Variants in BCAN observed in about 807,000 individuals in gnomAD.
The protein encoded by BCAN is brevican core protein.
Under a neutral mutation model 92.4 loss-of-function variants are expected in BCAN, and 51 were observed. The observed-to-expected ratio is 0.55, with a 90% CI of 0.44 to 0.70. BCAN has a LOEUF of 0.70. Ranked by LOEUF, BCAN falls within the 30% of genes least tolerant of loss-of-function variation. BCAN has a pLI of 0.00. For missense variants in BCAN, 1,140 were observed against 1,212.1 expected (o/e 0.94, Z 0.88); for synonymous variants, 501 against 505.2 (o/e 0.99, Z 0.11).
chr1:156,645,908 CAG>C (rs1247711995), intron 1 of BCAN, 137 bp from the exon 2 acceptor site: 9 of 596,782 alleles, frequency 1.5e-5, no homozygotes, highest in Middle Eastern at 5.4e-4. Flanking sequence ...GGATCAGAAA[CAG>C]AGAGTCCATG....
intron 6 of BCAN, among the ~76,000 whole-genome samples, chr1:156,650,469 C>T (rs1359028816): frequency 1.3e-5 from 2 of 152,208 alleles, no homozygotes; most frequent in African/African-American, 2.4e-5. Flanking sequence ...TCTTGGCTCC[C>T]TTCCCCAGAG....
At chr1:156,655,253 C>G (rs1679292080) in intron 8 of BCAN, among the ~76,000 whole-genome samples, 1 of 152,230 alleles carries the variant, frequency 6.6e-6, no homozygotes, top group African/African-American at 2.4e-5. Flanking sequence ...TAAGGACAGC[C>G]ACCTCCTACC....
chr1:156,648,598 A>G lies in BCAN; in HGVS notation c.800A>G (p.Lys267Arg). The G allele has an allele frequency of 6.2e-7, 1 of 1,602,272 alleles. No individual in the cohort carries two copies. Among genetic ancestry groups the G allele is most frequent in the Non-Finnish European group, 8.5e-7 (1 of 1,170,254 alleles). ...GELFLGDPPE[K>R]LTLEEARAYC... Reference sequence around the variant, plus strand: ...CTGTTCCTGGGTGACCCTCCAGAGAAGCTGACATTGGAGGAAGCACGGGCG... The same window carrying G: ...CTGTTCCTGGGTGACCCTCCAGAGAGGCTGACATTGGAGGAAGCACGGGCG... Residue 267 changes from lysine to arginine, a missense_variant, in exon 6 of 14, where the codon AAG becomes AGG. Physicochemically the swap from Lys to Arg is conservative, Grantham distance 26. Around this residue, in one of 3 missense-constraint regions of BCAN, gnomAD observed 825 missense variants for 871.8 expected, o/e 0.95. Transcript: ENST00000329117.
At position 156,658,327 on chromosome 1, in the gene BCAN, C is replaced by G; in HGVS notation, c.2437+56C>G. On this transcript the variant is annotated intron_variant, in intron 12 of 13. Coordinates refer to ENST00000329117, the MANE Select transcript of BCAN (RefSeq NM_021948.5). This position sits in a 1 kb window ranked among gnomAD's most constrained non-coding sequence, Gnocchi z 4.4. ...GGAAGTGGAGGGGTGGGCTAGGGGA[C>G]CAGAGGGACTGATGTTTGTAGACAG... 6.3e-7 allele frequency: 1 copy of G among 1,592,134 alleles called. No individual in the cohort carries two copies. The highest frequency in any genetic ancestry group is 1.3e-5 in the African/African-American group (1 of 74,660).
Position 156,658,447 on chromosome 1 carries a change from T to A in BCAN, c.2438-96T>A. 6.7e-7 allele frequency: 1 copy of A among 1,493,558 alleles called. No homozygotes were observed. Among genetic ancestry groups the A allele is most frequent in the Non-Finnish European group, 9.0e-7 (1 of 1,110,262 alleles). 92.5% of individuals were successfully genotyped at this position (1,493,558 alleles called of 1,614,324 possible). A position where few individuals can be genotyped will look rare whatever the true frequency, so the allele number is the denominator to read the frequency against. ...TCCACTCGGAATCCCTGATCTTTTT[T>A]TGTCATGTTGTGGCCCATTTTTCTC... is the stretch of plus-strand genomic sequence containing the variant. On this transcript the variant is annotated intron_variant, in intron 12 of 13. Coordinates refer to ENST00000329117, the MANE Select transcript of BCAN (RefSeq NM_021948.5). The surrounding 1 kb of genome is among the most constrained non-coding windows in gnomAD (Gnocchi z 4.4).
Position 156,657,102 on chromosome 1 carries a change from C to A in BCAN, c.2209+6C>A, listed in dbSNP as rs1185266646. 4 of 1,608,360 alleles carry A rather than the reference C, an allele frequency of 2.5e-6. No homozygotes were observed. Among genetic ancestry groups the A allele is most frequent in the Non-Finnish European group, 3.4e-6 (4 of 1,175,754 alleles). On this transcript the variant is annotated splice_donor_region_variant and intron_variant, in intron 10 of 13. Transcript: ENST00000329117. ...GGAACAGGACTTCATCAACAGTGGGCTGGGAGACAGGGCGGGAGGGGCCCC... is the reference window on the plus strand; with the variant it reads ...GGAACAGGACTTCATCAACAGTGGGATGGGAGACAGGGCGGGAGGGGCCCC...
rs192621892 is a variant in BCAN at position 156,648,105 on chromosome 1, T to C, written c.764T>C (p.Leu255Pro). The change falls in exon 5 of 14, where the codon CTA (leucine) becomes CCA (proline). Residue 255 changes from leucine (L) to proline (P), a missense_variant. Leu to Pro is a moderately conservative substitution (Grantham distance 98, BLOSUM62 -3). Coordinates refer to ENST00000329117, the MANE Select transcript of BCAN (RefSeq NM_021948.5). ...LYDVYCYAED[L>P]NGELFLGDPP... ...GATGTGTACTGTTATGCTGAAGACC[T>C]AAATGGTGATTAGGAGTGAGAGGTT... The C allele has an allele frequency of 5.1e-5, 82 of 1,612,312 alleles. 1 individual carries two copies. The Admixed American group carries it at 1.1e-3, about 21-fold the overall frequency.
chr1:156,651,666 C>A lies in BCAN; in HGVS notation c.1274C>A (p.Ala425Glu). 1 of 1,612,970 alleles carries A rather than the reference C, an allele frequency of 6.2e-7. No individual in the cohort carries two copies. The highest frequency in any genetic ancestry group is 1.6e-4 in the Middle Eastern group (1 of 6,062). Residue 425 changes from alanine (A) to glutamate (E), a missense_variant, in exon 7 of 14, where the codon GCA becomes GAA. Ala to Glu is a moderately radical substitution (Grantham distance 107). Transcript: ENST00000329117. ...GGAAGCTCCACTCCAGAAGACCCAG[C>A]AGAGGCCCCTAGGACGCTCCTAGGT... ...GGGSSTPEDP[A>E]EAPRTLLEFE...
At chr1:156,650,125 GGTAGTAGTA>G (rs376981111) in intron 6 of BCAN, among the ~76,000 whole-genome samples, 8 of 151,434 alleles carry the variant, frequency 5.3e-5, no homozygotes, top group African/African-American at 1.9e-4. Flanking sequence ...CTGGAACAGG[GGTAGTAGTA>G]GTAGTAGTAG....
At chr1:156,653,447 T>A in intron 8 of BCAN, 1 of 990,568 alleles carries the variant, frequency 1.0e-6, no homozygotes, top group Non-Finnish European at 1.2e-6. Context: ...TGGAAATAAA[T>A]CTCTATTAAA....
chr1:156,651,327 C>T, intron 6 of BCAN, 129 bp from the exon 7 acceptor site: 3 of 860,626 alleles, frequency 3.5e-6, no homozygotes, highest in Non-Finnish European at 3.7e-6. Context: ...CTGGGATGCT[C>T]CCTGGGCCCC....
chr1:156,657,125 C>T (rs1679362645), intron 10 of BCAN, 29 bp downstream of exon 10: 2 of 1,604,012 alleles, frequency 1.2e-6, no homozygotes, highest in Non-Finnish European at 1.7e-6. Flanking sequence ...CGGGAGGGGC[C>T]CCTGCCATAT....
chr1:156,655,958 A>G (rs1679308928), intron 8 of BCAN, among the ~76,000 whole-genome samples: 1 of 152,226 alleles, frequency 6.6e-6, no homozygotes, highest in African/African-American at 2.4e-5. Flanking sequence ...TGTGCCCAGT[A>G]TCTTTCTCCA....
Position 156,658,219 on chromosome 1 carries a change from G to C in BCAN, c.2385G>C (p.Trp795Cys). Residue 795 changes from tryptophan to cysteine, a missense_variant, in exon 12 of 14, where the codon TGG becomes TGC. Around this residue, in one of 3 missense-constraint regions of BCAN, gnomAD observed 825 missense variants for 871.8 expected, o/e 0.95. Coordinates refer to ENST00000329117, the MANE Select transcript of BCAN (RefSeq NM_021948.5). This position sits in a 1 kb window ranked among gnomAD's most constrained non-coding sequence, Gnocchi z 4.4. ...VVMVWHDQGQWSDVPCNYHLS... is the reference protein window; with the variant it reads ...VVMVWHDQGQCSDVPCNYHLS... ...TGGTGTGGCATGATCAGGGACAATG[G>C]AGTGACGTGCCCTGCAACTACCACC... The C allele has an allele frequency of 6.2e-7, 1 of 1,614,138 alleles. No homozygotes were observed. Among genetic ancestry groups the C allele is most frequent in the Non-Finnish European group, 8.5e-7 (1 of 1,180,010 alleles).
chr1:156,646,472 G>A (rs1678965778), intron 2 of BCAN: 1 of 497,728 alleles, frequency 2.0e-6, no homozygotes, highest in African/African-American at 1.9e-5. Context: ...CTGGGCTGGA[G>A]GACTCAGGGG....
rs1679015821 is a variant in BCAN at position 156,647,237 on chromosome 1, T to C, written c.466+62T>C. The C allele has an allele frequency of 1.4e-6, 2 of 1,462,396 alleles. No homozygotes were observed. Among genetic ancestry groups the C allele is most frequent in the African/African-American group, 2.9e-5 (2 of 70,138 alleles). 90.6% of individuals were successfully genotyped at this position (1,462,396 alleles called of 1,614,324 possible). A position where few individuals can be genotyped will look rare whatever the true frequency, so the allele number is the denominator to read the frequency against. On this transcript the variant is annotated intron_variant, in intron 3 of 13. Coordinates refer to ENST00000329117, the MANE Select transcript of BCAN (RefSeq NM_021948.5). The surrounding 1 kb of genome is among the most constrained non-coding windows in gnomAD (Gnocchi z 4.8). The stretch of plus-strand genomic sequence containing the variant: ...GGGAGGGAAGGGAGGACTCTTGCCT[T>C]CGGGGATCCCACAGTGTGAGAGGGA...
chr1:156,657,037 G>T lies in BCAN; in HGVS notation c.2150G>T (p.Arg717Leu). ...TGGGAGGAGGCAGAGACCCAGTGCCGGATGTACGGCGCGCATCTGGCCAGC... is the reference window on the plus strand; with the variant it reads ...TGGGAGGAGGCAGAGACCCAGTGCCTGATGTACGGCGCGCATCTGGCCAGC... ...RSWEEAETQC[R>L]MYGAHLASIS... Residue 717 changes from arginine (R) to leucine (L), a missense_variant, in exon 10 of 14, where the codon CGG becomes CTG. By Grantham distance (102) the Arg-to-Leu change is moderately radical. Transcript: ENST00000329117. 6.2e-7 allele frequency: 1 copy of T among 1,614,214 alleles called. No individual in the cohort carries two copies. Among genetic ancestry groups the T allele is most frequent in the East Asian group, 2.2e-5 (1 of 44,888 alleles).
At chr1:156,648,418 TC>T in intron 5 of BCAN, 149 bp from the exon 6 acceptor site, 1 of 930,440 alleles carries the variant, frequency 1.1e-6, no homozygotes, top group East Asian at 2.4e-5. Flanking sequence ...ATCTTGAGGT[TC>T]TATTCAGACT....
rs745558478 is a variant in BCAN, at chr1:156,647,861, G to A, written c.642-122G>A. 2 of 1,551,078 alleles carry A rather than the reference G, an allele frequency of 1.3e-6. No homozygotes were observed. The highest frequency in any genetic ancestry group is 2.2e-5 in the South Asian group (2 of 89,150). ...GAGCATGTGCATCCCTGCAGTGCTA[G>A]AAGGACAGCCAGCTGTCAGCAAGTG... On this transcript the variant is annotated intron_variant, in intron 4 of 13. Transcript: ENST00000329117. The surrounding 1 kb of genome is among the most constrained non-coding windows in gnomAD (Gnocchi z 4.8).
Sources: gnomAD v4.1 joint callset for allele counts (sites outside exome capture counted in the v4.1 genomes callset) on GRCh38, gnomAD v4.1.1 for gene constraint, gnomAD v4.1.1 regional missense constraint, Gnocchi (gnomAD v3.1) non-coding constraint, MANE v1.5 for transcripts, NCBI Gene and HGNC (gene_info 2026-07-23, HGNC 2026-07-21) for gene names.